FLRT1: variants seen among roughly 807,000 people sequenced by gnomAD.
FLRT1 encodes the protein fibronectin leucine rich transmembrane protein 1, also known as leucine-rich repeat transmembrane protein FLRT1.
In FLRT1, 14 loss-of-function variants were observed where a neutral mutation model predicts 30.9. That is an observed-to-expected ratio of 0.45 (90% CI 0.30 to 0.71). The LOEUF is 0.71. Ranked by LOEUF, FLRT1 falls within the 30% of genes least tolerant of loss-of-function variation. The probability of loss-of-function intolerance (pLI) is 0.08; values close to 1 mark genes in which losing one functional copy is unlikely to be tolerated. For synonymous variants in FLRT1, 368 were observed against 430.4 expected (o/e 0.85, Z 1.80); for missense variants, 737 against 949.2 (o/e 0.78, Z 2.94).
At chr11:64,050,493 G>A (rs537026703) in intron 1 of FLRT1, among the ~76,000 whole-genome samples, 16 of 152,338 alleles carry the variant, frequency 1.1e-4, no homozygotes, top group African/African-American at 3.4e-4. Context: ...TGTGGCCATG[G>A]ATGCTTCAGC....
intron 1 of FLRT1, among the ~76,000 whole-genome samples, chr11:64,091,603 A>G (rs1944491963): frequency 6.6e-6 from 1 of 152,060 alleles, no homozygotes; most frequent in Non-Finnish European, 1.5e-5. Context: ...TCCTTGCCAC[A>G]GCCTAGGACG....
chr11:64,050,161 A>G (rs1269969329), intron 1 of FLRT1, among the ~76,000 whole-genome samples: 1 of 150,386 alleles, frequency 6.6e-6, no homozygotes, highest in Non-Finnish European at 1.5e-5. Flanking sequence ...TCACCCTGCC[A>G]CTCCCACCTC....
chr11:64,086,747 T>C (rs1183789789), intron 1 of FLRT1, among the ~76,000 whole-genome samples: 1 of 152,120 alleles, frequency 6.6e-6, no homozygotes, highest in African/African-American at 2.4e-5. Flanking sequence ...AGTACAGAGA[T>C]GTAGACACAC....
rs1944580277 is a variant in FLRT1, at chr11:64,096,560, C to T, written c.-1037-6634C>T. Among the ~76,000 whole-genome samples the T allele has an allele frequency of 1.3e-5, 2 of 152,102 alleles. No individual in the cohort carries two copies. Among genetic ancestry groups the T allele is most frequent in the African/African-American group, 4.8e-5 (2 of 41,414 alleles). The stretch of plus-strand genomic sequence containing the variant: ...CCCACCGAGTAGCTGGGATTACAGG[C>T]GCCTGCCATCACGCCCAGCTAATTT... On this transcript the variant is annotated intron_variant, in intron 1 of 2. Coordinates refer to ENST00000682287, the MANE Select transcript of FLRT1 (RefSeq NM_013280.5). The surrounding 1 kb of genome is among the most constrained non-coding windows in gnomAD (Gnocchi z 4.6).
Position 64,090,276 on chromosome 11 carries a change from C to T in FLRT1, c.-1037-12918C>T, listed in dbSNP as rs562714480. On this transcript the variant is annotated intron_variant, in intron 1 of 2. Coordinates refer to ENST00000682287, the MANE Select transcript of FLRT1 (RefSeq NM_013280.5). The surrounding 1 kb of genome is among the most constrained non-coding windows in gnomAD (Gnocchi z 4.7). ...CTTTGCTCATCCTCGGGAAATGCAT[C>T]GTGCGTTGCTTTTCCCGTCTGGGAG... Among the ~76,000 whole-genome samples the T allele has an allele frequency of 2.6e-3, 399 of 152,304 alleles. 3 individuals carry two copies. Among genetic ancestry groups the T allele is most frequent in the South Asian group, 0.024 (114 of 4,828 alleles).
intron 1 of FLRT1, among the ~76,000 whole-genome samples, chr11:64,078,013 C>T (rs1373685591): frequency 1.3e-5 from 2 of 152,222 alleles, no homozygotes; most frequent in Non-Finnish European, 2.9e-5. Context: ...AGACGCTCTC[C>T]CCGTGCCCAA....
At chr11:64,074,580 G>A (rs1475448690) in intron 1 of FLRT1, among the ~76,000 whole-genome samples, 2 of 152,158 alleles carry the variant, frequency 1.3e-5, no homozygotes, top group African/African-American at 2.4e-5. Context: ...CCATGTCCCC[G>A]CAGGCCCTCC....
In FLRT1 at chr11:64,117,453, G is replaced by A. The variant is rs555254695; in HGVS notation, c.1186G>A (p.Ala396Thr). 42 of 1,613,022 alleles carry A rather than the reference G, an allele frequency of 2.6e-5. No individual in the cohort carries two copies. The East Asian group carries it at 8.5e-4, about 33-fold the overall frequency. ...GGCCAATGCGGCTGCCAAGACCACG[G>A]CCAGCAACCACGCCTCTGCCACCAC... ...GVANAAAKTT[A>T]SNHASATTPQ... The change falls in exon 3 of 3, where the codon GCC becomes ACC. Residue 396 changes from alanine (A) to threonine (T), a missense_variant. Physicochemically the swap from Ala to Thr is moderately conservative, Grantham distance 58. Coordinates refer to ENST00000682287, the MANE Select transcript of FLRT1 (RefSeq NM_013280.5).
chr11:64,045,658 G>T (rs1447467771), intron 1 of FLRT1, among the ~76,000 whole-genome samples: 1 of 152,178 alleles, frequency 6.6e-6, no homozygotes, highest in South Asian at 2.1e-4. Flanking sequence ...ACTGCTCCTG[G>T]GGTCTCAAAG....
At chr11:64,070,824 T>A (rs1405149963) in intron 1 of FLRT1, among the ~76,000 whole-genome samples, 1 of 152,240 alleles carries the variant, frequency 6.6e-6, no homozygotes, top group Non-Finnish European at 1.5e-5. Flanking sequence ...AATAGTTTTT[T>A]GCTCTTTCTC....
At chr11:64,058,243 C>T (rs1168234640) in intron 1 of FLRT1, among the ~76,000 whole-genome samples, 1 of 152,270 alleles carries the variant, frequency 6.6e-6, no homozygotes, top group Non-Finnish European at 1.5e-5. Flanking sequence ...GGGTAACCTG[C>T]TCCTGCCCCG....
In FLRT1 at chr11:64,116,756, G is replaced by T. The variant is rs1395396380; in HGVS notation, c.489G>T (p.Val163=). The change falls in exon 3 of 3, where the codon GTG becomes GTT. Residue 163 remains valine, a synonymous_variant. Coordinates refer to ENST00000682287, the MANE Select transcript of FLRT1 (RefSeq NM_013280.5). ...LEKLHLDDNS[V]STVSIEEDAF... ...AGCTGCACCTGGATGACAACTCCGT[G>T]TCCACCGTCAGCATTGAGGAGGACG... 6.2e-7 allele frequency: 1 copy of T among 1,613,498 alleles called. No individual in the cohort carries two copies. Among genetic ancestry groups the T allele is most frequent in the Non-Finnish European group, 8.5e-7 (1 of 1,180,042 alleles).
intron 1 of FLRT1, among the ~76,000 whole-genome samples, chr11:64,083,315 A>C (rs1944335643): frequency 6.6e-6 from 1 of 152,198 alleles, no homozygotes; most frequent in South Asian, 2.1e-4. Context: ...GGGCACCTAT[A>C]GTCCCAGCTA....
At position 64,064,939 on chromosome 11, in the gene FLRT1, C is replaced by T. The variant is rs1943969539; in HGVS notation, c.-1038+28780C>T. Among the ~76,000 whole-genome samples, 1 of 152,086 alleles carries T rather than the reference C, an allele frequency of 6.6e-6. No homozygotes were observed. Among genetic ancestry groups the T allele is most frequent in the Non-Finnish European group, 1.5e-5 (1 of 68,012 alleles). Reference sequence around the variant, plus strand: ...GCAAGGCGGCAGGCAGGAGGGCCACCATGGTGACTGAGACAGACTCAGGGT... The same window carrying T: ...GCAAGGCGGCAGGCAGGAGGGCCACTATGGTGACTGAGACAGACTCAGGGT... On this transcript the variant is annotated intron_variant, in intron 1 of 2. Transcript: ENST00000682287. The surrounding 1 kb of genome is among the most constrained non-coding windows in gnomAD (Gnocchi z 4.5).
At chr11:64,057,705 A>G (rs1035211646) in intron 1 of FLRT1, among the ~76,000 whole-genome samples, 2 of 152,098 alleles carry the variant, frequency 1.3e-5, no homozygotes, top group African/African-American at 4.8e-5. Context: ...CTGTACCCAG[A>G]CCTGAGGGAG....
chr11:64,048,748 A>C (rs181678993), intron 1 of FLRT1, among the ~76,000 whole-genome samples: 331 of 152,316 alleles, frequency 2.2e-3, no homozygotes, highest in African/African-American at 7.6e-3. Context: ...AATTCAACCC[A>C]GATCCCATAA....
At position 64,064,523 on chromosome 11, in the gene FLRT1, C is replaced by T. The variant is rs1449388760; in HGVS notation, c.-1038+28364C>T. Reference sequence around the variant, plus strand: ...GGCACGCAGGCAGGGTGCATATGTACGTATGTGCCTGGCATGGTCCTTGCC... The same window carrying T: ...GGCACGCAGGCAGGGTGCATATGTATGTATGTGCCTGGCATGGTCCTTGCC... On this transcript the variant is annotated intron_variant, in intron 1 of 2. Transcript: ENST00000682287. The surrounding 1 kb of genome is among the most constrained non-coding windows in gnomAD (Gnocchi z 4.5). 1.3e-5 allele frequency among the ~76,000 whole-genome samples: 2 copies of T among 152,104 alleles called. No individual in the cohort carries two copies. Among genetic ancestry groups the T allele is most frequent in the South Asian group, 2.1e-4 (1 of 4,810 alleles).
chr11:64,042,524 G>A (rs1373548686), intron 1 of FLRT1, among the ~76,000 whole-genome samples: 1 of 152,184 alleles, frequency 6.6e-6, no homozygotes, highest in African/African-American at 2.4e-5. Flanking sequence ...TGACCCCAGG[G>A]AGCCAGCAGT....
intron 1 of FLRT1, among the ~76,000 whole-genome samples, chr11:64,097,023 G>C (rs1478129902): frequency 1.3e-5 from 2 of 152,202 alleles, no homozygotes; most frequent in African/African-American, 4.8e-5. Flanking sequence ...GAGCACTCCA[G>C]GCGGATGAGA....
Sources: gnomAD v4.1 joint callset for allele counts (sites outside exome capture counted in the v4.1 genomes callset) on GRCh38, gnomAD v4.1.1 for gene constraint, Gnocchi (gnomAD v3.1) non-coding constraint, MANE v1.5 for transcripts, NCBI Gene and HGNC (gene_info 2026-07-23, HGNC 2026-07-21) for gene names.